The following PLCE1 variants were observed in gnomAD, a reference collection of about 807,000 sequenced individuals.
The protein encoded by PLCE1 is 1-phosphatidylinositol 4,5-bisphosphate phosphodiesterase epsilon-1.
A neutral mutation model predicts 242.8 loss-of-function variants in PLCE1; 119 were observed. That is an observed-to-expected ratio of 0.49 (90% CI 0.42 to 0.57). The LOEUF is 0.57. Ranked by LOEUF, PLCE1 falls within the 20% of genes least tolerant of loss-of-function variation. PLCE1 has a pLI of 0.00. For synonymous variants in PLCE1, 945 were observed against 1,017.4 expected (o/e 0.93, Z 1.35); for missense variants, 2,441 against 2,788.8 (o/e 0.88, Z 2.81).
At chr10:94,158,809 A>G (rs1490025115) in intron 3 of PLCE1, among the ~76,000 whole-genome samples, 2 of 149,456 alleles carry the variant, frequency 1.3e-5, no homozygotes, top group Non-Finnish European at 3.0e-5. Flanking sequence ...AGCAGAGATT[A>G]CCTCTGGGTA....
At chr10:94,097,057 A>G (rs1182806240) in intron 2 of PLCE1, among the ~76,000 whole-genome samples, 2 of 152,184 alleles carry the variant, frequency 1.3e-5, no homozygotes, top group Non-Finnish European at 2.9e-5. Flanking sequence ...TGATTACCCA[A>G]CTACCCCTCT....
At chr10:94,283,457 C>A in intron 20 of PLCE1, 1 of 311,616 alleles carries the variant, frequency 3.2e-6, no homozygotes, top group South Asian at 2.9e-5. Context: ...CACGGGGTAT[C>A]TTCCATAATA....
At chr10:94,154,963 GAA>G (rs35196656) in intron 3 of PLCE1, among the ~76,000 whole-genome samples, 1 of 149,726 alleles carries the variant, frequency 6.7e-6, no homozygotes, top group Non-Finnish European at 1.5e-5. Context: ...ATAATTGGGG[GAA>G]AAAAAAGTAA....
intron 4 of PLCE1, among the ~76,000 whole-genome samples, chr10:94,185,387 T>C (rs2048442806): frequency 6.6e-6 from 1 of 152,132 alleles, no homozygotes; most frequent in Non-Finnish European, 1.5e-5. Context: ...TCCCAGCTAC[T>C]TGGGAGTCTG....
chr10:94,113,995 A>G (rs551024769), intron 2 of PLCE1, among the ~76,000 whole-genome samples: 1 of 152,340 alleles, frequency 6.6e-6, no homozygotes, highest in South Asian at 2.1e-4. Context: ...GCATGTCTCA[A>G]TGAGTGTCTC....
chr10:94,206,545 A>G (rs2049162429), intron 4 of PLCE1, among the ~76,000 whole-genome samples: 1 of 152,200 alleles, frequency 6.6e-6, no homozygotes, highest in Admixed American at 6.5e-5. Flanking sequence ...CCATTGCTCT[A>G]TCTTATTCTA....
rs551414701 is a variant in PLCE1, at chr10:94,327,624, A to ATAATC, written c.*25-341_*25-337dup. ...TAAAATGATCCCTTTTAAAGTTTCA[A>ATAATC]TAATCTACAGATTTTTAAAGAACAT... On this transcript the variant is annotated intron_variant, in intron 32 of 32. Coordinates refer to ENST00000371380, the MANE Select transcript of PLCE1 (RefSeq NM_016341.4). Among the ~76,000 whole-genome samples the ATAATC allele has an allele frequency of 1.8e-3, 275 of 152,362 alleles. 1 individual carries two copies. The highest frequency in any genetic ancestry group is 3.3e-3 in the Admixed American group (51 of 15,304).
intron 4 of PLCE1, among the ~76,000 whole-genome samples, chr10:94,174,993 G>A (rs1379679403): frequency 6.6e-6 from 1 of 152,146 alleles, no homozygotes; most frequent in African/African-American, 2.4e-5. Context: ...AGTGAAGGGT[G>A]TACAAGAACT....
rs2061553336 is a variant in PLCE1 at position 94,031,383 on chromosome 10, C to A, written c.337C>A (p.His113Asn). 2 of 1,613,850 alleles carry A rather than the reference C, an allele frequency of 1.2e-6. No homozygotes were observed. The highest frequency in any genetic ancestry group is 1.7e-6 in the Non-Finnish European group (2 of 1,179,858). ...NINCNNILRN[H>N]QHGLPQRQFY... ...TAACTGCAACAACATATTGAGAAAC[C>A]ATCAGCATGGCCTTCCTCAGAGACA... Residue 113 changes from histidine (H) to asparagine (N), a missense_variant, in exon 2 of 33, where the codon CAT becomes AAT. Coordinates refer to ENST00000371380, the MANE Select transcript of PLCE1 (RefSeq NM_016341.4).
chr10:94,080,748 A>T (rs138622247), intron 2 of PLCE1, among the ~76,000 whole-genome samples: 4 of 152,184 alleles, frequency 2.6e-5, no homozygotes, highest in Non-Finnish European at 5.9e-5. Flanking sequence ...TTGTTTCTTA[A>T]TATCAACAGG....
intron 3 of PLCE1, among the ~76,000 whole-genome samples, chr10:94,140,715 T>C (rs1404983597): frequency 6.6e-6 from 1 of 152,268 alleles, no homozygotes; most frequent in Non-Finnish European, 1.5e-5. Flanking sequence ...GCTGGCTTAG[T>C]TGACTTCCTC....
intron 2 of PLCE1, among the ~76,000 whole-genome samples, chr10:94,116,083 C>G (rs970381917): frequency 1.3e-5 from 2 of 152,138 alleles, no homozygotes; most frequent in African/African-American, 4.8e-5. Context: ...GACATGCTGT[C>G]CCTGATCCTT....
At chr10:94,262,373 T>G (rs2051332637) in intron 13 of PLCE1, 121 bp from the exon 14 acceptor site, 1 of 785,114 alleles carries the variant, frequency 1.3e-6, no homozygotes, top group South Asian at 1.4e-5. Context: ...CTTTGATGGC[T>G]TGTTTAGGTA....
chr10:94,308,622 T>C lies in PLCE1; in HGVS notation c.5926T>C (p.Leu1976=). Residue 1976 remains leucine (L), a synonymous_variant, in exon 27 of 33, where the codon TTG becomes CTG. Coordinates refer to ENST00000371380, the MANE Select transcript of PLCE1 (RefSeq NM_016341.4). The part of the protein sequence containing the change: ...LQLRNLHNEV[L]EISSLFINSR... ...GCTGCGAAACCTTCACAATGAAGTC[T>C]TGGAGATTTCTAGTTTATTCATTAA... 6.2e-7 allele frequency: 1 copy of C among 1,613,634 alleles called. No homozygotes were observed. Among genetic ancestry groups the C allele is most frequent in the Non-Finnish European group, 8.5e-7 (1 of 1,179,524 alleles).
At chr10:94,317,795 A>T (rs541074350) in intron 29 of PLCE1, among the ~76,000 whole-genome samples, 1 of 152,280 alleles carries the variant, frequency 6.6e-6, no homozygotes, top group South Asian at 2.1e-4. Context: ...ATATAAGGTC[A>T]TTTCTCTAGC....
chr10:94,104,563 C>T (rs940275428), intron 2 of PLCE1: 2 of 152,176 alleles, frequency 1.3e-5, no homozygotes, highest in Admixed American at 6.5e-5. Flanking sequence ...ATGAATGAAC[C>T]AAATGAATGA....
In PLCE1 at chr10:94,046,752, C is replaced by T. The variant is rs542735844; in HGVS notation, c.1206+14500C>T. ...GGCATGCCTAGTTTCAAATTCTGACCTGGCACTTACTATTTATAGCTCTGA... is the reference window on the plus strand; with the variant it reads ...GGCATGCCTAGTTTCAAATTCTGACTTGGCACTTACTATTTATAGCTCTGA... On this transcript the variant is annotated intron_variant, in intron 2 of 32. Coordinates refer to ENST00000371380, the MANE Select transcript of PLCE1 (RefSeq NM_016341.4). Among the ~76,000 whole-genome samples the T allele has an allele frequency of 2.8e-4, 43 of 152,316 alleles. 1 individual carries two copies. The highest frequency in any genetic ancestry group is 2.6e-3 in the Admixed American group (40 of 15,310).
chr10:94,205,725 A>G (rs1352735876), intron 4 of PLCE1, among the ~76,000 whole-genome samples: 1 of 152,228 alleles, frequency 6.6e-6, no homozygotes, highest in Non-Finnish European at 1.5e-5. Context: ...TAAACGGTTC[A>G]TCTGTTCATC....
In PLCE1 at chr10:94,329,106, T is replaced by A. The variant is rs2054127219; in HGVS notation, c.*1163T>A. 6.6e-6 allele frequency: 1 copy of A among 152,202 alleles called. No homozygotes were observed. The highest frequency in any genetic ancestry group is 2.4e-5 in the African/African-American group (1 of 41,460). The allele number at this position is 152,202 out of a possible 1,614,324, so 9.4% of individuals were successfully genotyped here. On this transcript the variant is annotated 3_prime_UTR_variant, in exon 33 of 33. Coordinates refer to ENST00000371380, the MANE Select transcript of PLCE1 (RefSeq NM_016341.4). ...GACAAACTTCTAAAAAGAAAATATA[T>A]GCTCTGAACATCTGAAATGGGCTAG...
Sources: allele counts gnomAD v4.1 joint callset (sites outside exome capture counted in the v4.1 genomes callset), GRCh38; gene constraint gnomAD v4.1.1; transcripts MANE v1.5; gene names NCBI Gene and HGNC (gene_info 2026-07-23, HGNC 2026-07-21).